Variants in CTBP2 observed in about 807,000 individuals in gnomAD.
The protein encoded by CTBP2 is C-terminal binding protein 2.
CTBP2 carries 30 observed loss-of-function variants against 80.3 expected under a neutral mutation model. The ratio of observed to expected loss-of-function variants is 0.37; its 90% CI spans 0.28 to 0.51. CTBP2 has a LOEUF of 0.51. Among genes scored for constraint, CTBP2 ranks in the 20% least tolerant of loss-of-function variants. The pLI, the probability that CTBP2 is intolerant of heterozygous loss-of-function variation, is 0.93. For missense variants in CTBP2, 1,212 were observed against 1,375.3 expected (o/e 0.88, Z 1.88); for synonymous variants, 594 against 587.4 (o/e 1.01, Z -0.16).
intron 2 of CTBP2, among the ~76,000 whole-genome samples, chr10:125,063,394 G>C (rs554898673): frequency 3.9e-5 from 6 of 152,180 alleles, no homozygotes; most frequent in Non-Finnish European, 8.8e-5. Flanking sequence ...TGGGGACTGA[G>C]CATTCACTCT....
upstream of CTBP2, among the ~76,000 whole-genome samples, chr10:125,030,146 C>CCACACA (rs3068310): frequency 6.7e-6 from 1 of 150,070 alleles, no homozygotes; most frequent in African/African-American, 2.5e-5. Flanking sequence ...TACACAAACA[C>CCACACA]CACACACACA....
chr10:124,996,267 GC>G, intron 4 of CTBP2: 1 of 151,684 alleles, frequency 6.6e-6, no homozygotes, highest in Middle Eastern at 3.4e-3. Flanking sequence ...TTCTGTCCAT[GC>G]CCCCAGCCCC....
chr10:125,044,129 A>C (rs995517519), intron 2 of CTBP2, among the ~76,000 whole-genome samples: 1 of 152,192 alleles, frequency 6.6e-6, no homozygotes, highest in African/African-American at 2.4e-5. Flanking sequence ...TCAATGCACA[A>C]GGTCCACCAC....
At chr10:125,041,203 C>G (rs1449681307) in intron 2 of CTBP2, among the ~76,000 whole-genome samples, 2 of 152,190 alleles carry the variant, frequency 1.3e-5, no homozygotes, top group Non-Finnish European at 1.5e-5. Context: ...CACCTCACCT[C>G]CTTAATAGGT....
chr10:124,989,629 T>C lies in CTBP2; in HGVS notation c.2847A>G (p.Gly949=). 6.2e-7 allele frequency: 1 copy of C among 1,611,362 alleles called. No individual in the cohort carries two copies. Among genetic ancestry groups the C allele is most frequent in the African/African-American group, 1.3e-5 (1 of 74,988 alleles). Residue 949 remains glycine (G), a synonymous_variant, in exon 9 of 9, where the codon GGA becomes GGG. Transcript: ENST00000309035. Reference sequence around the variant, plus strand: ...GGAGGTTGTGAGTCACTGGGATGCCTCCAGGGATGATCCCTTCCATGGCTG... The same window carrying C: ...GGAGGTTGTGAGTCACTGGGATGCCCCCAGGGATGATCCCTTCCATGGCTG...
Position 124,993,932 on chromosome 10 carries a change from C to T in CTBP2, c.2454G>A (p.Glu818=). 6.2e-7 allele frequency: 1 copy of T among 1,614,208 alleles called. No homozygotes were observed. Among genetic ancestry groups the T allele is most frequent in the Non-Finnish European group, 8.5e-7 (1 of 1,180,044 alleles). The change falls in exon 6 of 9, where the codon GAG becomes GAA. Residue 818 remains glutamate (E), a synonymous_variant. Transcript: ENST00000309035. Reference sequence around the variant, plus strand: ...CCTTGAGGGCTTGTGCTAAGGCTTTCTCGTCCACCAGGCCGCCACGGGCTG... The same window carrying T: ...CCTTGAGGGCTTGTGCTAAGGCTTTTTCGTCCACCAGGCCGCCACGGGCTG...
chr10:125,051,765 C>G (rs1410481089), intron 2 of CTBP2, among the ~76,000 whole-genome samples: 2 of 152,114 alleles, frequency 1.3e-5, no homozygotes, highest in Non-Finnish European at 2.9e-5. Context: ...TTCTAAGCCC[C>G]AGGACCTCAG....
intron 2 of CTBP2, among the ~76,000 whole-genome samples, chr10:125,043,769 C>G (rs550692004): frequency 1.3e-5 from 2 of 152,284 alleles, no homozygotes; most frequent in African/African-American, 4.8e-5. Flanking sequence ...ACTTCCTAGC[C>G]TTCATCAAGA....
intron 1 of CTBP2, among the ~76,000 whole-genome samples, chr10:125,116,028 A>G (rs749477974): frequency 6.6e-5 from 10 of 152,094 alleles, no homozygotes; most frequent in Non-Finnish European, 1.5e-4. Flanking sequence ...GGATCCTTTC[A>G]ACAGGGATTT....
chr10:125,157,099 TTTC>T (rs1194277412), intron 1 of CTBP2, among the ~76,000 whole-genome samples: 2 of 152,260 alleles, frequency 1.3e-5, no homozygotes, highest in African/African-American at 4.8e-5. Flanking sequence ...ACGTTCTTAC[TTTC>T]TTAACTTTAG....
intron 2 of CTBP2, among the ~76,000 whole-genome samples, chr10:125,106,057 T>A (rs575586597): frequency 5.3e-5 from 8 of 152,366 alleles, no homozygotes; most frequent in East Asian, 3.9e-4. Context: ...TGTCTCTGGC[T>A]GTCCCACACA....
intron 1 of CTBP2, among the ~76,000 whole-genome samples, chr10:125,138,844 C>T (rs1857356823): frequency 6.6e-6 from 1 of 152,132 alleles, no homozygotes; most frequent in African/African-American, 2.4e-5. Flanking sequence ...CATACCTGTG[C>T]CCGTCCGTCT....
intron 1 of CTBP2, among the ~76,000 whole-genome samples, chr10:125,141,649 A>T (rs1330300479): frequency 2.6e-5 from 4 of 152,110 alleles, no homozygotes; most frequent in African/African-American, 9.7e-5. Flanking sequence ...AACACACGGC[A>T]AGTACATGGC....
intron 2 of CTBP2, among the ~76,000 whole-genome samples, chr10:125,054,643 T>C (rs1018855776): frequency 3.3e-5 from 5 of 152,228 alleles, no homozygotes; most frequent in Admixed American, 6.5e-5. Flanking sequence ...CACACAGCAA[T>C]AGATAACTAA....
At chr10:125,136,298 C>T (rs1038147708) in intron 1 of CTBP2, among the ~76,000 whole-genome samples, 1 of 152,226 alleles carries the variant, frequency 6.6e-6, no homozygotes, top group African/African-American at 2.4e-5. Flanking sequence ...CAGCCCTGAC[C>T]TCAGGGTGCA....
At chr10:125,032,478 T>C (rs996610658), upstream of CTBP2, among the ~76,000 whole-genome samples, 1 of 152,142 alleles carries the variant, frequency 6.6e-6, no homozygotes, top group African/African-American at 2.4e-5. Flanking sequence ...CCCTCCCCCA[T>C]GAACCTTTCT....
chr10:125,004,235 C>T (rs1237771948), intron 1 of CTBP2, among the ~76,000 whole-genome samples: 1 of 152,184 alleles, frequency 6.6e-6, no homozygotes, highest in Non-Finnish European at 1.5e-5. Flanking sequence ...TCTGGACCAG[C>T]GCGGCTGCAT....
At chr10:125,026,067 G>A in intron 1 of CTBP2, 3 of 1,547,156 alleles carry the variant, frequency 1.9e-6, no homozygotes, top group Non-Finnish European at 2.6e-6. Flanking sequence ...AGGGCAGGCG[G>A]GGAGGATGTA....
rs188897383 is a variant in CTBP2 at position 125,056,377 on chromosome 10, C to T, written c.-101-17222G>A. On this transcript the variant is annotated intron_variant, in intron 2 of 10. Coordinates refer to the CTBP2 transcript ENST00000337195. ...GGCGTGCACGCCATGGAGGAGGACACGCCCAGCACAGATGTCTGTCAGCTC... is the reference window on the plus strand; with the variant it reads ...GGCGTGCACGCCATGGAGGAGGACATGCCCAGCACAGATGTCTGTCAGCTC... Among the ~76,000 whole-genome samples, 179 of 152,278 alleles carry T rather than the reference C, an allele frequency of 1.2e-3. 1 individual carries two copies. Among genetic ancestry groups the T allele is most frequent in the African/African-American group, 4.2e-3 (174 of 41,554 alleles).
Sources: gnomAD v4.1 joint callset for allele counts (sites outside exome capture counted in the v4.1 genomes callset) on GRCh38, gnomAD v4.1.1 for gene constraint, MANE v1.5 for transcripts, NCBI Gene and HGNC (gene_info 2026-07-23, HGNC 2026-07-21) for gene names.